RORB: variants seen among roughly 807,000 people sequenced by gnomAD.
RORB encodes nuclear receptor ROR-beta.
In RORB, 6 loss-of-function variants were observed where a neutral mutation model predicts 59.1. The ratio of observed to expected loss-of-function variants is 0.10; its 90% confidence interval spans 0.06 to 0.20. The LOEUF is 0.20. RORB is among the 10% of genes least tolerant of loss of function. The pLI is 1.00. For missense variants in RORB, 320 were observed against 560.5 expected (o/e 0.57, Z 4.33); for synonymous variants, 215 against 204.5 (o/e 1.05, Z -0.44).
intron 1 of RORB, among the ~76,000 whole-genome samples, chr9:74,613,755 T>C (rs1192892050): frequency 6.6e-6 from 1 of 152,158 alleles, no homozygotes; most frequent in African/African-American, 2.4e-5. Flanking sequence ...AAAAAGCAGT[T>C]CTACTACAAT....
At chr9:74,548,338 G>A (rs991483437) in intron 1 of RORB, among the ~76,000 whole-genome samples, 4 of 152,038 alleles carry the variant, frequency 2.6e-5, no homozygotes, top group African/African-American at 7.2e-5. Flanking sequence ...TTTATATTTG[G>A]AAAGATCTTC....
At chr9:74,627,296 T>C (rs1823536064) in intron 1 of RORB, among the ~76,000 whole-genome samples, 1 of 152,232 alleles carries the variant, frequency 6.6e-6, no homozygotes, top group African/African-American at 2.4e-5. Flanking sequence ...TCGGATGATT[T>C]ATTATATTGC....
chr9:74,594,029 C>T (rs780448216), intron 1 of RORB, among the ~76,000 whole-genome samples: 1 of 152,090 alleles, frequency 6.6e-6, no homozygotes, highest in African/African-American at 2.4e-5. Flanking sequence ...CAAAGAGCCT[C>T]CAGTAGAAAA....
chr9:74,499,839 T>C (rs1183225894), intron 1 of RORB, among the ~76,000 whole-genome samples: 2 of 152,134 alleles, frequency 1.3e-5, no homozygotes, highest in Admixed American at 6.5e-5. Context: ...GTTCATACTT[T>C]CTGAACGTCG....
chr9:74,519,881 T>A (rs888151177), intron 1 of RORB, among the ~76,000 whole-genome samples: 2 of 151,968 alleles, frequency 1.3e-5, no homozygotes, highest in African/African-American at 4.8e-5. Flanking sequence ...GTCCCGTTGA[T>A]CATTCTTTAA....
intron 1 of RORB, among the ~76,000 whole-genome samples, chr9:74,514,007 T>C (rs1235900233): frequency 6.6e-6 from 1 of 152,114 alleles, no homozygotes; most frequent in Non-Finnish European, 1.5e-5. Context: ...GGTATCCTTA[T>C]TGCTTAGAAA....
chr9:74,586,120 G>A (rs976184134), intron 1 of RORB, among the ~76,000 whole-genome samples: 4 of 152,072 alleles, frequency 2.6e-5, no homozygotes, highest in African/African-American at 9.7e-5. Flanking sequence ...AAGAGCATAA[G>A]ATACTTATAA....
At chr9:74,568,934 C>G (rs1273646048) in intron 1 of RORB, among the ~76,000 whole-genome samples, 1 of 151,860 alleles carries the variant, frequency 6.6e-6, no homozygotes, top group Non-Finnish European at 1.5e-5. Context: ...TATTAAAAAT[C>G]ATACACTCAA....
intron 1 of RORB, among the ~76,000 whole-genome samples, chr9:74,612,725 T>C (rs552853664): frequency 1.3e-5 from 2 of 152,314 alleles, no homozygotes; most frequent in South Asian, 4.1e-4. Context: ...GAATGGTGCC[T>C]ATTAATTTCA....
chr9:74,554,984 C>T (rs1822262340), intron 1 of RORB, among the ~76,000 whole-genome samples: 1 of 152,164 alleles, frequency 6.6e-6, no homozygotes, highest in Admixed American at 6.5e-5. Context: ...AAAAAAAGAC[C>T]TAGAGAGAAA....
chr9:74,520,495 T>A (rs568254720), intron 1 of RORB, among the ~76,000 whole-genome samples: 2 of 152,052 alleles, frequency 1.3e-5, no homozygotes, highest in East Asian at 3.9e-4. Context: ...ATGATACCAA[T>A]GACAGCTACA....
At chr9:74,565,570 AC>A (rs1322225607) in intron 1 of RORB, among the ~76,000 whole-genome samples, 1 of 152,150 alleles carries the variant, frequency 6.6e-6, no homozygotes, top group Non-Finnish European at 1.5e-5. Context: ...TAGACGTGTG[AC>A]CCCTAAGTAG....
At chr9:74,659,782 G>T (rs575893173) in intron 4 of RORB, among the ~76,000 whole-genome samples, 216 of 152,130 alleles carry the variant, frequency 1.4e-3, no homozygotes, top group African/African-American at 4.8e-3. Context: ...CAACTTTCAT[G>T]TCTCCAAACC....
chr9:74,558,840 C>T (rs747177665), intron 1 of RORB, among the ~76,000 whole-genome samples: 10 of 152,164 alleles, frequency 6.6e-5, no homozygotes, highest in Non-Finnish European at 1.2e-4. Flanking sequence ...TTACATAAGC[C>T]TTAAGACTGG....
intron 1 of RORB, among the ~76,000 whole-genome samples, chr9:74,622,900 C>A (rs1823448027): frequency 6.6e-6 from 1 of 152,094 alleles, no homozygotes; most frequent in East Asian, 1.9e-4. Flanking sequence ...AAGGCCAATG[C>A]TACTGGTCAG....
At chr9:74,520,258 C>T (rs920230086) in intron 1 of RORB, among the ~76,000 whole-genome samples, 4 of 151,790 alleles carry the variant, frequency 2.6e-5, no homozygotes, top group Admixed American at 1.3e-4. Flanking sequence ...AATAGTCATT[C>T]GCAAGCAATT....
chr9:74,562,406 A>G (rs1485359914), intron 1 of RORB, among the ~76,000 whole-genome samples: 2 of 152,172 alleles, frequency 1.3e-5, no homozygotes, highest in Non-Finnish European at 2.9e-5. Context: ...TGTAATATGT[A>G]TTACTGCAAT....
chr9:74,667,689 G>A (rs1298350270), intron 7 of RORB, 102 bp from the exon 8 acceptor site: 2 of 714,698 alleles, frequency 2.8e-6, no homozygotes, highest in Non-Finnish European at 5.1e-6. Context: ...TAGAAGTCTA[G>A]TATGCACCTC....
intron 1 of RORB, among the ~76,000 whole-genome samples, chr9:74,566,518 C>T (rs1023853182): frequency 4.6e-5 from 7 of 152,230 alleles, no homozygotes; most frequent in African/African-American, 1.2e-4. Flanking sequence ...CCCTTCCGGC[C>T]GGGCACAGTG....
Sources: gnomAD v4.1 joint callset for allele counts (sites outside exome capture counted in the v4.1 genomes callset) on GRCh38, gnomAD v4.1.1 for gene constraint, MANE v1.5 for transcripts, NCBI Gene and HGNC (gene_info 2026-07-23, HGNC 2026-07-21) for gene names.